The following KAT6B variants were observed in gnomAD, a reference collection of about 807,000 sequenced individuals.
The protein encoded by KAT6B is lysine acetyltransferase 6B, also known as histone acetyltransferase KAT6B.
In KAT6B, 10 loss-of-function variants were observed where a neutral mutation model predicts 187.5. The ratio of observed to expected loss-of-function variants is 0.05; its 90% CI spans 0.03 to 0.09. The LOEUF (loss-of-function observed/expected upper bound fraction) is 0.09, where lower values mean the gene tolerates loss of function less well. Among genes scored for constraint, KAT6B ranks in the 10% least tolerant of loss-of-function variants. The pLI, the probability that KAT6B is intolerant of heterozygous loss-of-function variation, is 1.00. For synonymous variants in KAT6B, 861 were observed against 926.8 expected (o/e 0.93, Z 1.29); for missense variants, 1,952 against 2,558.9 (o/e 0.76, Z 5.12).
chr10:74,995,522 C>T (rs1843370241), intron 13 of KAT6B, among the ~76,000 whole-genome samples: 1 of 152,098 alleles, frequency 6.6e-6, no homozygotes. Context: ...TTTATCCTTC[C>T]TGTTTCTTTG....
chr10:74,835,867 G>A (rs1433915034), intron 1 of KAT6B, among the ~76,000 whole-genome samples: 2 of 151,986 alleles, frequency 1.3e-5, no homozygotes, highest in Admixed American at 6.6e-5. Context: ...CCATTAAAAA[G>A]TGAACAAATC....
chr10:75,028,454 T>G lies in KAT6B; in HGVS notation c.3665-35T>G, dbSNP rs187049439. ...CCCATGGTTATGCTTTCTAAGACTG[T>G]TTTTTTTCCTTCCCGTTTTTGTCTC... On this transcript the variant is annotated intron_variant, in intron 17 of 17. Transcript: ENST00000287239. 2.5e-5 allele frequency: 41 copies of G among 1,613,266 alleles called. No homozygotes were observed. In the Middle Eastern group the frequency reaches 5.0e-4, roughly 19 times the overall value.
At chr10:74,853,417 C>G (rs532063677) in intron 3 of KAT6B, among the ~76,000 whole-genome samples, 16 of 151,796 alleles carry the variant, frequency 1.1e-4, no homozygotes, top group African/African-American at 3.6e-4. Flanking sequence ...CCTCAGCCCC[C>G]CAAGTAGCTT....
Position 75,020,364 on chromosome 10 carries a change from C to T in KAT6B, c.2630-218C>T, listed in dbSNP as rs2242012. On this transcript the variant is annotated intron_variant, in intron 13 of 17. Transcript: ENST00000287239. ...GTGTTTGGAATGCTGCTGCTAGCTG[C>T]GTGAATTGACTTAGAGTGCCACTGT... 0.03 allele frequency among the ~76,000 whole-genome samples: 4,597 copies of T among 152,222 alleles called. 192 individuals carry two copies. The highest frequency in any genetic ancestry group is 0.16 in the East Asian group (825 of 5,176).
At chr10:75,005,651 C>T (rs1390655462) in intron 13 of KAT6B, among the ~76,000 whole-genome samples, 1 of 152,066 alleles carries the variant, frequency 6.6e-6, no homozygotes, top group East Asian at 1.9e-4. Flanking sequence ...TTTTCCTTAA[C>T]TTGTTTAGAA....
At chr10:74,980,432 T>C (rs2133780802) in intron 10 of KAT6B, among the ~76,000 whole-genome samples, 1 of 152,320 alleles carries the variant, frequency 6.6e-6, no homozygotes, top group Non-Finnish European at 1.5e-5. Flanking sequence ...CTGGAGAAAA[T>C]GCTAAGTGTT....
At chr10:74,945,003 C>T (rs956357650) in intron 3 of KAT6B, among the ~76,000 whole-genome samples, 2 of 152,042 alleles carry the variant, frequency 1.3e-5, no homozygotes, top group South Asian at 4.1e-4. Flanking sequence ...AACCGTATGC[C>T]TAGCAGTTCC....
chr10:74,880,451 A>G (rs1274888041), intron 3 of KAT6B, among the ~76,000 whole-genome samples: 1 of 152,238 alleles, frequency 6.6e-6, no homozygotes, highest in African/African-American at 2.4e-5. Flanking sequence ...TTGTATGGAT[A>G]TACCACATTT....
At chr10:75,008,790 G>T (rs372035620) in intron 13 of KAT6B, among the ~76,000 whole-genome samples, 1 of 152,080 alleles carries the variant, frequency 6.6e-6, no homozygotes, top group Non-Finnish European at 1.5e-5. Flanking sequence ...AAGAGGAAGA[G>T]AAATTACCAG....
At chr10:74,896,273 T>C (rs1007750453) in intron 3 of KAT6B, among the ~76,000 whole-genome samples, 2 of 152,156 alleles carry the variant, frequency 1.3e-5, no homozygotes, top group Non-Finnish European at 2.9e-5. Flanking sequence ...ATAATATTTG[T>C]GTACTTTAGT....
At chr10:74,917,672 C>T (rs901282260) in intron 3 of KAT6B, among the ~76,000 whole-genome samples, 7 of 152,208 alleles carry the variant, frequency 4.6e-5, no homozygotes, top group African/African-American at 1.7e-4. Context: ...TACTATCTCC[C>T]TAGAGAAGAG....
intron 3 of KAT6B, among the ~76,000 whole-genome samples, chr10:74,950,999 A>C (rs1433579265): frequency 2.0e-5 from 3 of 152,154 alleles, no homozygotes; most frequent in Non-Finnish European, 4.4e-5. Flanking sequence ...CTCAAAATAA[A>C]TTGAATAGAT....
chr10:74,921,622 A>AT (rs1192547800), intron 3 of KAT6B, among the ~76,000 whole-genome samples: 5 of 152,124 alleles, frequency 3.3e-5, no homozygotes, highest in African/African-American at 1.2e-4. Context: ...AGACCTGCCT[A>AT]TTACAGTCTC....
At chr10:74,972,937 C>G (rs569981669) in intron 7 of KAT6B, among the ~76,000 whole-genome samples, 3 of 152,260 alleles carry the variant, frequency 2.0e-5, no homozygotes, top group Non-Finnish European at 2.9e-5. Flanking sequence ...TACTTTATTA[C>G]TGGCTGAGCA....
At chr10:74,877,314 G>T in intron 3 of KAT6B, among the ~76,000 whole-genome samples, 1 of 152,164 alleles carries the variant, frequency 6.6e-6, no homozygotes, top group South Asian at 2.1e-4. Context: ...AAAAATCTCA[G>T]TTGAAGCTTG....
In KAT6B at chr10:74,976,046, G is replaced by T. The variant is rs372742885; in HGVS notation, c.1709G>T (p.Arg570Leu). Residue 570 changes from arginine to leucine, a missense_variant, in exon 8 of 18, where the codon CGT (arginine) becomes CTT (leucine). Physicochemically the swap from Arg to Leu is moderately radical, Grantham distance 102. Transcript: ENST00000287239. Reference sequence around the variant, plus strand: ...CACCCGAGTTATGCACCACCCAAACGTATGCGTCGTAAAACTGAATTATCT... The same window carrying T: ...CACCCGAGTTATGCACCACCCAAACTTATGCGTCGTAAAACTGAATTATCT... ...KGHPSYAPPK[R>L]MRRKTELSST... is the part of the protein sequence containing the mutation. 6.2e-7 allele frequency: 1 copy of T among 1,614,104 alleles called. No homozygotes were observed. Among genetic ancestry groups the T allele is most frequent in the East Asian group, 2.2e-5 (1 of 44,874 alleles).
At chr10:74,841,601 C>T (rs111718432) in intron 2 of KAT6B, among the ~76,000 whole-genome samples, 14 of 151,932 alleles carry the variant, frequency 9.2e-5, no homozygotes, top group African/African-American at 2.7e-4. Context: ...TAATGATGTT[C>T]GACCCTTTAA....
Position 74,946,637 on chromosome 10 carries a change from CAT to C in KAT6B, c.622-13331_622-13330del, listed in dbSNP as rs549836164. On this transcript the variant is annotated intron_variant, in intron 3 of 17. Transcript: ENST00000287239. Reference sequence around the variant, plus strand: ...TGGAAGAAGCCCTACATAAAAAAATCATAGTGTCTGAGTCCACTTAAATGAAG... The same window carrying C: ...TGGAAGAAGCCCTACATAAAAAAATCAGTGTCTGAGTCCACTTAAATGAAG... Among the ~76,000 whole-genome samples, 218 of 152,220 alleles carry C rather than the reference CAT, an allele frequency of 1.4e-3. 1 individual carries two copies. Among genetic ancestry groups the C allele is most frequent in the African/African-American group, 4.6e-3 (191 of 41,544 alleles).
chr10:74,858,676 T>G (rs1393823414), intron 3 of KAT6B, among the ~76,000 whole-genome samples: 1 of 152,114 alleles, frequency 6.6e-6, no homozygotes, highest in African/African-American at 2.4e-5. Context: ...TTTATCAAGA[T>G]AGGCTCTTTG....
Sources: gnomAD v4.1 joint callset for allele counts (sites outside exome capture counted in the v4.1 genomes callset) on GRCh38, gnomAD v4.1.1 for gene constraint, MANE v1.5 for transcripts, NCBI Gene and HGNC (gene_info 2026-07-23, HGNC 2026-07-21) for gene names.